Variants in BLTP1 observed in about 807,000 individuals in gnomAD.
BLTP1 encodes fragile site-associated protein.
the BLTP1 span, chr4:122,286,762 A>G: frequency 6.2e-7 from 1 of 1,613,126 alleles, no homozygotes; most frequent in Non-Finnish European, 8.5e-7. Flanking sequence ...TTTACAGGGA[A>G]ATTATCTGCG....
At chr4:122,283,227 G>C in the BLTP1 span, among the ~76,000 whole-genome samples, 1 of 151,874 alleles carries the variant, frequency 6.6e-6, no homozygotes, top group East Asian at 1.9e-4. Context: ...ATTGTTCTTA[G>C]ATTTGGCATG....
the BLTP1 span, chr4:122,182,580 A>G: frequency 3.4e-6 from 3 of 885,946 alleles, no homozygotes; most frequent in African/African-American, 3.6e-5. Flanking sequence ...ATCATCATGC[A>G]TGCTCCTTGA....
chr4:122,208,896 A>G, the BLTP1 span, among the ~76,000 whole-genome samples: 4 of 150,708 alleles, frequency 2.7e-5, no homozygotes, highest in Admixed American at 6.6e-5. Flanking sequence ...AAAAAACAGC[A>G]CATTCCTCTA....
the BLTP1 span, among the ~76,000 whole-genome samples, chr4:122,334,787 T>G: frequency 1.3e-5 from 2 of 152,100 alleles, no homozygotes; most frequent in African/African-American, 4.8e-5. Context: ...TTTACGTAAT[T>G]AAATTTTTAG....
the BLTP1 span, among the ~76,000 whole-genome samples, chr4:122,219,834 G>C: frequency 6.6e-6 from 1 of 152,130 alleles, no homozygotes; most frequent in Non-Finnish European, 1.5e-5. Context: ...CATACATTGA[G>C]TTGTTGGGTT....
the BLTP1 span, among the ~76,000 whole-genome samples, chr4:122,238,722 G>A: frequency 6.6e-6 from 1 of 152,036 alleles, no homozygotes; most frequent in African/African-American, 2.4e-5. Context: ...TTTCCTCTTG[G>A]TTTGATAGCA....
the BLTP1 span, chr4:122,272,425 T>C: frequency 6.3e-7 from 1 of 1,576,272 alleles, no homozygotes; most frequent in Non-Finnish European, 8.7e-7. Context: ...ATTTTTCTAA[T>C]AAAGTGCTAT....
chr4:122,238,326 C>T, the BLTP1 span: 1 of 1,613,816 alleles, frequency 6.2e-7, no homozygotes, highest in South Asian at 1.1e-5. Context: ...TTGCATGGGA[C>T]AAAAAGAGAT....
the BLTP1 span, chr4:122,188,113 A>G: frequency 1.4e-6 from 2 of 1,427,852 alleles, no homozygotes; most frequent in Non-Finnish European, 1.8e-6. Context: ...TAAAAATAAT[A>G]AAAAACTTCT....
At chr4:122,247,955 G>C in the BLTP1 span, 6 of 985,032 alleles carry the variant, frequency 6.1e-6, no homozygotes, top group Non-Finnish European at 6.0e-6. Flanking sequence ...TTTGCTAATC[G>C]TATTTGAGAT....
At chr4:122,244,676 C>G in the BLTP1 span, 7 of 968,352 alleles carry the variant, frequency 7.2e-6, no homozygotes, top group Non-Finnish European at 8.6e-6. Flanking sequence ...TCTTCCTTTT[C>G]CTGCAAAAGC....
chr4:122,221,032 C>T, the BLTP1 span: 3 of 956,702 alleles, frequency 3.1e-6, no homozygotes, highest in South Asian at 1.4e-4. Flanking sequence ...TGCCAAATGG[C>T]TTTCTGTGGC....
At chr4:122,291,725 A>G in the BLTP1 span, 1 of 979,776 alleles carries the variant, frequency 1.0e-6, no homozygotes. Context: ...ACCATCTTAG[A>G]ATTGGGCCAG....
chr4:122,267,295 G>A, the BLTP1 span, among the ~76,000 whole-genome samples: 2 of 151,766 alleles, frequency 1.3e-5, no homozygotes, highest in Admixed American at 6.6e-5. Context: ...TCCTGACCTC[G>A]TGATCCACCC....
the BLTP1 span, chr4:122,185,381 T>TAA: frequency 1.0e-6 from 1 of 985,300 alleles, no homozygotes; most frequent in Non-Finnish European, 1.2e-6. Flanking sequence ...TTGATTGTGG[T>TAA]ACCTTTCTTC....
chr4:122,207,357 A>G, the BLTP1 span: 10 of 1,386,030 alleles, frequency 7.2e-6, no homozygotes, highest in African/African-American at 1.5e-4. Flanking sequence ...GTTTTAACAG[A>G]TACTAGAAGT....
chr4:122,210,296 G>T, the BLTP1 span, among the ~76,000 whole-genome samples: 2 of 152,122 alleles, frequency 1.3e-5, no homozygotes, highest in Admixed American at 6.6e-5. Flanking sequence ...GTGTGAATCT[G>T]CATATTTAAG....
chr4:122,215,628 G>T, the BLTP1 span: 19,335 of 925,710 alleles, frequency 0.021, 1,303 homozygotes, highest in African/African-American at 0.21. Context: ...GGTGGAATGT[G>T]TATTTCATAA....
the BLTP1 span, chr4:122,261,987 G>A: frequency 2.7e-5 from 27 of 985,338 alleles, no homozygotes; most frequent in East Asian, 2.5e-3. Flanking sequence ...AACATTTCTT[G>A]CTATTAGCAA....
Sources: gnomAD v4.1 joint callset for allele counts (sites outside exome capture counted in the v4.1 genomes callset) on GRCh38, gnomAD v4.1.1 for gene constraint, MANE v1.5 for transcripts, NCBI Gene and HGNC (gene_info 2026-07-23, HGNC 2026-07-21) for gene names.